MYOCD: variants seen among roughly 807,000 people sequenced by gnomAD.
The protein encoded by MYOCD is myocardin.
In MYOCD, 32 loss-of-function variants were observed where a neutral mutation model predicts 96.1. That is an observed-to-expected ratio of 0.33 (90% CI 0.25 to 0.45). The LOEUF (loss-of-function observed/expected upper bound fraction) is 0.45, where lower values mean the gene tolerates loss of function less well. Among genes scored for constraint, MYOCD ranks in the 20% least tolerant of loss-of-function variants. MYOCD has a pLI of 1.00. For missense variants in MYOCD, 1,133 were observed against 1,200.6 expected (o/e 0.94, Z 0.83); for synonymous variants, 469 against 469.0 (o/e 1.00, Z 0.00).
At chr17:12,745,750 G>A (rs892805129) in intron 8 of MYOCD, among the ~76,000 whole-genome samples, 169 bp from the exon 9 acceptor site, 3 of 152,074 alleles carry the variant, frequency 2.0e-5, no homozygotes, top group Admixed American at 6.6e-5. Flanking sequence ...CAGATGTCAC[G>A]CACCGCTTAC....
intron 1 of MYOCD, among the ~76,000 whole-genome samples, chr17:12,681,178 G>A (rs182792373): frequency 6.6e-6 from 1 of 152,302 alleles, no homozygotes; most frequent in Non-Finnish European, 1.5e-5. Context: ...ACAAGTATCC[G>A]AACCAGTCAG....
chr17:12,695,605 T>C (rs973409416), intron 1 of MYOCD, among the ~76,000 whole-genome samples: 2 of 152,208 alleles, frequency 1.3e-5, no homozygotes, highest in African/African-American at 4.8e-5. Context: ...AGTTCACAAG[T>C]TCATTTTTAG....
chr17:12,745,368 C>T (rs1038424741), intron 8 of MYOCD, among the ~76,000 whole-genome samples: 7 of 152,054 alleles, frequency 4.6e-5, no homozygotes, highest in African/African-American at 1.5e-4. Context: ...CGCCACCACG[C>T]CCGGCTAATT....
intron 5 of MYOCD, 76 bp downstream of exon 5, chr17:12,723,084 G>T: frequency 7.1e-7 from 1 of 1,403,946 alleles, no homozygotes; most frequent in Non-Finnish European, 9.7e-7. Context: ...GACATACTAG[G>T]ATCTTTGGGG....
chr17:12,740,684 G>T (rs545701943), intron 7 of MYOCD, among the ~76,000 whole-genome samples: 62 of 152,024 alleles, frequency 4.1e-4, no homozygotes, highest in Non-Finnish European at 6.8e-4. Context: ...TAATTGCCTG[G>T]TAATCATGTG....
In MYOCD at chr17:12,722,958, T is replaced by G. The variant is rs749054468; in HGVS notation, c.365T>G (p.Val122Gly). 1 of 1,613,500 alleles carries G rather than the reference T, an allele frequency of 6.2e-7. No individual in the cohort carries two copies. The highest frequency in any genetic ancestry group is 8.5e-7 in the Non-Finnish European group (1 of 1,179,906). Reference protein sequence around the residue: ...IALRPGPLELVEKNILPVDSA... With the variant: ...IALRPGPLELGEKNILPVDSA... ...CTACGACCAGGGCCACTGGAGCTGGTGGAAAAAAACATTCTTCCTGTGGAT... is the reference window on the plus strand; with the variant it reads ...CTACGACCAGGGCCACTGGAGCTGGGGGAAAAAAACATTCTTCCTGTGGAT... The change falls in exon 5 of 14, where the codon GTG becomes GGG. Residue 122 changes from valine (V) to glycine (G), a missense_variant. By Grantham distance (109) the Val-to-Gly change is moderately radical. Coordinates refer to ENST00000425538, the MANE Select transcript of MYOCD (RefSeq NM_001146312.3).
At position 12,763,410 on chromosome 17, in the gene MYOCD, C is replaced by A. The variant is rs139492728; in HGVS notation, c.2727C>A (p.Leu909=). The change falls in exon 14 of 14, where the codon CTC becomes CTA. Residue 909 remains leucine, a synonymous_variant. Coordinates refer to ENST00000425538, the MANE Select transcript of MYOCD (RefSeq NM_001146312.3). The part of the protein sequence containing the change: ...FNAHEILPGP[L]SPMQTQFSPS... ...CACATGAGATCTTGCCAGGCCCCCT[C>A]TCTCCAATGCAGACACAGTTTTCAC... 1.1e-4 allele frequency: 184 copies of A among 1,607,632 alleles called. 1 individual carries two copies. In the African/African-American group the frequency reaches 2.3e-3, roughly 20 times the overall value.
At chr17:12,709,348 G>T (rs1018392704) in intron 2 of MYOCD, among the ~76,000 whole-genome samples, 1 of 152,106 alleles carries the variant, frequency 6.6e-6, no homozygotes, top group African/African-American at 2.4e-5. Context: ...CATTCACTTT[G>T]TTCTTATGTG....
rs1459149180 is a variant in MYOCD, at chr17:12,685,430, C to T, written c.55+19187C>T. Among the ~76,000 whole-genome samples the T allele has an allele frequency of 2.6e-5, 4 of 152,116 alleles. No homozygotes were observed. The South Asian group carries it at 6.2e-4, about 24-fold the overall frequency. ...GACCAGCCTGGACAACAGGGTGAAACCCCATCTGTACTAAAAATACAGAAG... is the reference window on the plus strand; with the variant it reads ...GACCAGCCTGGACAACAGGGTGAAATCCCATCTGTACTAAAAATACAGAAG... On this transcript the variant is annotated intron_variant, in intron 1 of 13. Coordinates refer to ENST00000425538, the MANE Select transcript of MYOCD (RefSeq NM_001146312.3).
intron 9 of MYOCD, among the ~76,000 whole-genome samples, chr17:12,747,423 T>A (rs2150714116): frequency 6.6e-6 from 1 of 152,040 alleles, no homozygotes; most frequent in Non-Finnish European, 1.5e-5. Context: ...GTTCATTCAG[T>A]TTGGGAAAGT....
In MYOCD at chr17:12,744,353, C is replaced by G. The variant is rs2032600636; in HGVS notation, c.888C>G (p.Phe296Leu). The G allele has an allele frequency of 6.2e-7, 1 of 1,614,178 alleles. No individual in the cohort carries two copies. Among genetic ancestry groups the G allele is most frequent in the African/African-American group, 1.3e-5 (1 of 75,054 alleles). ...GGCTGCTCCAGCAACAGCAGCTGTT[C>G]CTGCAGCTCCAAATCCTCAGCCAGC... ...YARLLQQQQLFLQLQILSQQQ... is the reference protein window; with the variant it reads ...YARLLQQQQLLLQLQILSQQQ... The change falls in exon 8 of 14, where the codon TTC (phenylalanine) becomes TTG (leucine). Residue 296 changes from phenylalanine to leucine, a missense_variant. Transcript: ENST00000425538.
At chr17:12,751,178 C>T (rs1246303403) in intron 9 of MYOCD, among the ~76,000 whole-genome samples, 3 of 151,810 alleles carry the variant, frequency 2.0e-5, no homozygotes, top group Non-Finnish European at 2.9e-5. Flanking sequence ...AAACGTAATA[C>T]GTTTATGTGG....
At chr17:12,754,229 C>T (rs754608830) in intron 10 of MYOCD, among the ~76,000 whole-genome samples, 2 of 152,078 alleles carry the variant, frequency 1.3e-5, no homozygotes, top group African/African-American at 2.4e-5. Context: ...GTCAGCCTCC[C>T]GAGTAGCTGG....
chr17:12,765,747 G>A lies in MYOCD; in HGVS notation c.*2103G>A, dbSNP rs2033321895. 6.6e-6 allele frequency: 1 copy of A among 152,100 alleles called. No individual in the cohort carries two copies. The highest frequency in any genetic ancestry group is 1.5e-5 in the Non-Finnish European group (1 of 68,038). 9.4% of individuals were successfully genotyped at this position (152,100 alleles called of 1,614,324 possible). A position where few individuals can be genotyped will look rare whatever the true frequency, so the allele number is the denominator to read the frequency against. On this transcript the variant is annotated 3_prime_UTR_variant, in exon 14 of 14. Coordinates refer to ENST00000425538, the MANE Select transcript of MYOCD (RefSeq NM_001146312.3). Reference sequence around the variant, plus strand: ...TGTGTATGACTAACGGCTCCAACCCGATGACTCACAGCTACTTGCTTATCG... The same window carrying A: ...TGTGTATGACTAACGGCTCCAACCCAATGACTCACAGCTACTTGCTTATCG...
Position 12,745,960 on chromosome 17 carries a change from C to T in MYOCD, c.1013C>T (p.Ser338Leu). ...ATGGTCAGAAATCCAAACTCTTCTT[C>T]AACGCCACTGAGCAATACCCCCTTG... ...EQMVRNPNSS[S>L]TPLSNTPLSP... The change falls in exon 9 of 14, where the codon TCA becomes TTA. Residue 338 changes from serine to leucine, a missense_variant. Transcript: ENST00000425538. 6.2e-7 allele frequency: 1 copy of T among 1,614,180 alleles called. No individual in the cohort carries two copies. Among genetic ancestry groups the T allele is most frequent in the Non-Finnish European group, 8.5e-7 (1 of 1,180,016 alleles).
rs569558674 is a variant in MYOCD, at chr17:12,697,393, C to T, written c.56-7735C>T. Among the ~76,000 whole-genome samples, 123 of 123,992 alleles carry T rather than the reference C, an allele frequency of 9.9e-4. 1 individual carries two copies. Among genetic ancestry groups the T allele is most frequent in the Non-Finnish European group, 1.6e-3 (103 of 63,078 alleles). 81.3% of individuals were successfully genotyped at this position (123,992 alleles called of 152,430 possible). A position where few individuals can be genotyped will look rare whatever the true frequency, so the allele number is the denominator to read the frequency against. The stretch of plus-strand genomic sequence containing the variant: ...TTTTTTTTTTTTTGAGACGGGGTCT[C>T]GCTCTGTCGCCCAGGCTGGAGTGCA... On this transcript the variant is annotated intron_variant, in intron 1 of 13. Coordinates refer to ENST00000425538, the MANE Select transcript of MYOCD (RefSeq NM_001146312.3).
Position 12,699,898 on chromosome 17 carries a change from T to A in MYOCD, c.56-5230T>A, listed in dbSNP as rs529963562. Among the ~76,000 whole-genome samples the A allele has an allele frequency of 2.4e-4, 35 of 147,286 alleles. No homozygotes were observed. In the South Asian group the frequency reaches 4.1e-3, roughly 17 times the overall value. On this transcript the variant is annotated intron_variant, in intron 1 of 13. Transcript: ENST00000425538. The stretch of plus-strand genomic sequence containing the variant: ...AAGATAGTAATATATATTTCTTTTT[T>A]TTTTTTTACCTTTTTTTTTTTTTTT...
At chr17:12,681,579 T>C (rs868221048) in intron 1 of MYOCD, among the ~76,000 whole-genome samples, 13 of 152,202 alleles carry the variant, frequency 8.5e-5, no homozygotes, top group African/African-American at 3.1e-4. Context: ...CAGTATTCTC[T>C]TGGTTTTGAC....
chr17:12,673,450 A>G (rs1173856617), intron 1 of MYOCD, among the ~76,000 whole-genome samples: 1 of 152,200 alleles, frequency 6.6e-6, no homozygotes, highest in Non-Finnish European at 1.5e-5. Flanking sequence ...ATAATAGCAT[A>G]AATATTTTTC....
Sources: gnomAD v4.1 joint callset for allele counts (sites outside exome capture counted in the v4.1 genomes callset) on GRCh38, gnomAD v4.1.1 for gene constraint, MANE v1.5 for transcripts, NCBI Gene and HGNC (gene_info 2026-07-23, HGNC 2026-07-21) for gene names.